Variants in TBC1D19 observed in about 807,000 individuals in gnomAD.
TBC1D19 encodes the protein TBC1 domain family member 19, also known as TBC1 domain family, member 19.
A neutral mutation model predicts 89.0 loss-of-function variants in TBC1D19; 60 were observed. The ratio of observed to expected loss-of-function variants is 0.67; its 90% CI spans 0.55 to 0.84. The LOEUF is 0.84. Among genes scored for constraint, TBC1D19 ranks in the 40% least tolerant of loss-of-function variants. The pLI, the probability that TBC1D19 is intolerant of heterozygous loss-of-function variation, is 0.00. For synonymous variants in TBC1D19, 189 were observed against 199.7 expected, an observed-to-expected ratio of 0.95 and a Z score of 0.45; for missense variants, 500 against 610.8, an observed-to-expected ratio of 0.82 and a Z score of 1.91.
At chr4:26,627,802 G>A (rs1742527906) in intron 4 of TBC1D19, among the ~76,000 whole-genome samples, 1 of 152,084 alleles carries the variant, frequency 6.6e-6, no homozygotes, top group African/African-American at 2.4e-5. Flanking sequence ...TGTCAGATGA[G>A]TAGGTTGTGA....
chr4:26,680,360 T>A (rs999261170), intron 11 of TBC1D19, among the ~76,000 whole-genome samples: 2 of 152,134 alleles, frequency 1.3e-5, no homozygotes, highest in African/African-American at 2.4e-5. Context: ...CATCTACTTT[T>A]AAAAAAAATC....
chr4:26,642,006 T>G (rs1043266540), intron 7 of TBC1D19, among the ~76,000 whole-genome samples: 5 of 152,168 alleles, frequency 3.3e-5, no homozygotes, highest in East Asian at 1.9e-4. Flanking sequence ...AAAACACTCT[T>G]CAGGATATTA....
intron 1 of TBC1D19, among the ~76,000 whole-genome samples, chr4:26,587,011 A>C (rs931287226): frequency 6.6e-6 from 1 of 152,146 alleles, no homozygotes; most frequent in African/African-American, 2.4e-5. Context: ...TTGCAGGTTG[A>C]GGAAGCTCTA....
At chr4:26,790,974 C>G in the TBC1D19 span, among the ~76,000 whole-genome samples, 2 of 152,084 alleles carry the variant, frequency 1.3e-5, no homozygotes, top group Non-Finnish European at 2.9e-5. Context: ...AGAGCCTGTT[C>G]CAAATGTCGG....
At chr4:26,686,787 A>C (rs999258902) in intron 12 of TBC1D19, among the ~76,000 whole-genome samples, 1 of 152,058 alleles carries the variant, frequency 6.6e-6, no homozygotes, top group Admixed American at 6.6e-5. Context: ...AATCTGTGTC[A>C]TTATGGTTTT....
intron 15 of TBC1D19, among the ~76,000 whole-genome samples, chr4:26,735,023 C>CAT (rs1578000050): frequency 2.4e-4 from 15 of 62,670 alleles, no homozygotes; most frequent in Admixed American, 4.7e-4. Context: ...TGTGTATACA[C>CAT]ATGTATATAT....
intron 1 of TBC1D19, among the ~76,000 whole-genome samples, chr4:26,601,337 C>T (rs573294565): frequency 6.6e-6 from 1 of 152,234 alleles, no homozygotes; most frequent in South Asian, 2.1e-4. Context: ...CTTCAAAGTT[C>T]ATTCATGTTG....
intron 19 of TBC1D19, among the ~76,000 whole-genome samples, 195 bp downstream of exon 19, chr4:26,748,721 C>T (rs967043849): frequency 1.3e-5 from 2 of 152,164 alleles, no homozygotes; most frequent in African/African-American, 4.8e-5. Flanking sequence ...TGCACAATAC[C>T]AGCCTACTTC....
intron 15 of TBC1D19, among the ~76,000 whole-genome samples, chr4:26,734,658 A>C (rs768166236): frequency 1.1e-4 from 16 of 152,164 alleles, no homozygotes; most frequent in Non-Finnish European, 1.5e-4. Flanking sequence ...ATTTTCAGTT[A>C]GTTTACTTAA....
At chr4:26,734,154 G>A (rs992797850) in intron 15 of TBC1D19, among the ~76,000 whole-genome samples, 1 of 152,176 alleles carries the variant, frequency 6.6e-6, no homozygotes, top group Non-Finnish European at 1.5e-5. Context: ...GGGAGCCAGA[G>A]TTTGGCTCAC....
intron 13 of TBC1D19, among the ~76,000 whole-genome samples, chr4:26,715,291 C>T (rs1314021714): frequency 3.9e-5 from 6 of 152,006 alleles, no homozygotes; most frequent in Non-Finnish European, 7.4e-5. Context: ...CATCCTTCTA[C>T]CTTCAACTTC....
the TBC1D19 span, among the ~76,000 whole-genome samples, chr4:26,841,039 A>G: frequency 4.6e-5 from 7 of 152,086 alleles, no homozygotes; most frequent in Non-Finnish European, 8.8e-5. Flanking sequence ...TTGCACCTGC[A>G]TCTCTAGTCA....
the TBC1D19 span, among the ~76,000 whole-genome samples, chr4:26,855,002 C>T: frequency 6.6e-6 from 1 of 152,186 alleles, no homozygotes; most frequent in Non-Finnish European, 1.5e-5. Context: ...CCCTTCTTCT[C>T]GCACTGTTCC....
At chr4:26,612,734 A>G (rs1741457781) in intron 1 of TBC1D19, among the ~76,000 whole-genome samples, 1 of 152,156 alleles carries the variant, frequency 6.6e-6, no homozygotes, top group Non-Finnish European at 1.5e-5. Context: ...ATTTACATTG[A>G]GAAGCAATCC....
chr4:26,612,918 A>T (rs1741470362), intron 1 of TBC1D19, among the ~76,000 whole-genome samples: 1 of 152,006 alleles, frequency 6.6e-6, no homozygotes, highest in African/African-American at 2.4e-5. Flanking sequence ...ATAATCTCCA[A>T]GTTTGTATAG....
chr4:26,609,227 A>G (rs1213887252), intron 1 of TBC1D19, among the ~76,000 whole-genome samples: 1 of 152,096 alleles, frequency 6.6e-6, no homozygotes, highest in Non-Finnish European at 1.5e-5. Context: ...AATTTAAAAA[A>G]ATAGAATGTG....
At chr4:26,597,066 T>A (rs1337142043) in intron 1 of TBC1D19, among the ~76,000 whole-genome samples, 1 of 152,236 alleles carries the variant, frequency 6.6e-6, no homozygotes, top group African/African-American at 2.4e-5. Flanking sequence ...ATTACCTATA[T>A]GTGTCACTGA....
At chr4:26,715,100 AC>A (rs937311599) in intron 13 of TBC1D19, among the ~76,000 whole-genome samples, 28 of 152,042 alleles carry the variant, frequency 1.8e-4, no homozygotes, top group African/African-American at 6.3e-4. Flanking sequence ...TTCAGTTTAA[AC>A]TTTTCTTCTA....
intron 15 of TBC1D19, among the ~76,000 whole-genome samples, chr4:26,724,781 G>A (rs1259862965): frequency 6.6e-6 from 1 of 152,054 alleles, no homozygotes; most frequent in Non-Finnish European, 1.5e-5. Flanking sequence ...GGTCTTCTTG[G>A]GTAAGTTTTA....
Sources: gnomAD v4.1 joint callset for allele counts (sites outside exome capture counted in the v4.1 genomes callset) on GRCh38, gnomAD v4.1.1 for gene constraint, MANE v1.5 for transcripts, NCBI Gene and HGNC (gene_info 2026-07-23, HGNC 2026-07-21) for gene names.